Variants in ATP2B1 observed in about 807,000 individuals in gnomAD.
The protein encoded by ATP2B1 is ATPase plasma membrane Ca2+ transporting 1.
Under a neutral mutation model 124.2 loss-of-function variants are expected in ATP2B1, and 14 were observed. That is an observed-to-expected ratio of 0.11 (90% confidence interval 0.07 to 0.18). The LOEUF is 0.18. Ranked by LOEUF, ATP2B1 falls within the 10% of genes least tolerant of loss-of-function variation. The probability of loss-of-function intolerance (pLI) is 1.00; values close to 1 mark genes in which losing one functional copy is unlikely to be tolerated. For synonymous variants in ATP2B1, 449 were observed against 492.4 expected (o/e 0.91, Z 1.17); for missense variants, 763 against 1,466.1 (o/e 0.52, Z 7.83).
chr12:89,634,236 G>C (rs1243165258), intron 5 of ATP2B1, among the ~76,000 whole-genome samples: 2 of 152,084 alleles, frequency 1.3e-5, no homozygotes, highest in Non-Finnish European at 2.9e-5. Context: ...GTGACTGCTA[G>C]ACCTACTCTT....
chr12:89,704,993 TTG>T (rs1164782746), intron 1 of ATP2B1, among the ~76,000 whole-genome samples: 1 of 152,132 alleles, frequency 6.6e-6, no homozygotes, highest in Non-Finnish European at 1.5e-5. Context: ...GAACCATTTC[TTG>T]TGTTAAGATA....
chr12:89,673,641 T>C (rs1230946673), intron 1 of ATP2B1, among the ~76,000 whole-genome samples: 1 of 152,214 alleles, frequency 6.6e-6, no homozygotes, highest in East Asian at 1.9e-4. Context: ...ATCTCTTTCA[T>C]AAGGACCCAA....
intron 15 of ATP2B1, 22 bp from the exon 16 acceptor site, chr12:89,604,368 A>T: frequency 6.4e-7 from 1 of 1,557,638 alleles, no homozygotes; most frequent in South Asian, 1.2e-5. Context: ...AATTTTGTGA[A>T]TTAGACTAAA....
At chr12:89,626,432 T>G (rs781337089) in intron 8 of ATP2B1, 22 bp downstream of exon 8, 2 of 1,564,756 alleles carry the variant, frequency 1.3e-6, no homozygotes, top group Non-Finnish European at 1.7e-6. Flanking sequence ...TAAAACACTT[T>G]ATTTTCTTCT....
At position 89,632,675 on chromosome 12, in the gene ATP2B1, G is replaced by A. The variant is rs527460627; in HGVS notation, c.788-2030C>T. ...TAAACTTAAGAAGCCAAGAACAGCA[G>A]TCAGAGATGGCATCATGAGAGTAAA... On this transcript the variant is annotated intron_variant, in intron 5 of 20. Transcript: ENST00000428670. 3.9e-5 allele frequency among the ~76,000 whole-genome samples: 6 copies of A among 152,300 alleles called. No homozygotes were observed. The East Asian group carries it at 9.6e-4, about 24-fold the overall frequency.
At chr12:89,610,553 T>G in intron 13 of ATP2B1, 45 bp from the exon 14 acceptor site, 1 of 1,490,734 alleles carries the variant, frequency 6.7e-7, no homozygotes, top group Non-Finnish European at 9.4e-7. Context: ...ACATAGTTTC[T>G]TAAATCCTAA....
rs751352086 is a variant in ATP2B1 at position 89,621,517 on chromosome 12, T to C, written c.1587+32A>G. The stretch of plus-strand genomic sequence containing the variant: ...AGTCTGATCATTATAGATTTAAAAA[T>C]TAATTTTCATAAATTATTTCAAAAA... On this transcript the variant is annotated intron_variant, in intron 10 of 20. Transcript: ENST00000428670. 21 of 1,422,452 alleles carry C rather than the reference T, an allele frequency of 1.5e-5. No homozygotes were observed. In the East Asian group the frequency reaches 4.0e-4, roughly 27 times the overall value. 88.1% of individuals were successfully genotyped at this position (1,422,452 alleles called of 1,614,324 possible).
intron 1 of ATP2B1, among the ~76,000 whole-genome samples, chr12:89,656,719 A>G (rs1885994327): frequency 6.6e-6 from 1 of 152,146 alleles, no homozygotes; most frequent in East Asian, 1.9e-4. Context: ...GGCAAAAACT[A>G]TACTCTATAT....
At chr12:89,620,475 C>G (rs1879776084) in intron 10 of ATP2B1, among the ~76,000 whole-genome samples, 1 of 152,172 alleles carries the variant, frequency 6.6e-6, no homozygotes. Flanking sequence ...AATTACCCAA[C>G]TGCTTTGGTC....
chr12:89,605,124 T>A (rs1485638071), intron 15 of ATP2B1, among the ~76,000 whole-genome samples: 1 of 152,190 alleles, frequency 6.6e-6, no homozygotes, highest in Non-Finnish European at 1.5e-5. Context: ...GTATGACTCT[T>A]CTGTACAAAG....
chr12:89,604,155 T>C lies in ATP2B1; in HGVS notation c.2634A>G (p.Gln878=). Reference sequence around the variant, plus strand: ...TTTTGATAGACAAGTCATCACCTACTTGAGTAATGCAGGCGCCCGTAAAAG... The same window carrying C: ...TTTTGATAGACAAGTCATCACCTACCTGAGTAATGCAGGCGCCCGTAAAAG... ...IVAFTGACIT[Q]DSPLKAVQML... The change falls in exon 16 of 21, where the codon CAA becomes CAG. Residue 878 remains glutamine (Q), a splice_region_variant and synonymous_variant. Coordinates refer to ENST00000428670, the MANE Select transcript of ATP2B1 (RefSeq NM_001366521.1). The C allele has an allele frequency of 1.2e-6, 2 of 1,613,054 alleles. No individual in the cohort carries two copies. The highest frequency in any genetic ancestry group is 8.5e-7 in the Non-Finnish European group (1 of 1,179,706).
rs145764164 is a variant in ATP2B1, at chr12:89,595,488, TC to T, written c.3351+3628del. On this transcript the variant is annotated intron_variant, in intron 20 of 20. Coordinates refer to ENST00000428670, the MANE Select transcript of ATP2B1 (RefSeq NM_001366521.1). ...TGACTAATAAATGAAGGGAAAAAGG[TC>T]TCTTCAGAGATGTTTGAGTCTAGCA... Among the ~76,000 whole-genome samples the T allele has an allele frequency of 7.1e-3, 1,074 of 152,038 alleles. 12 individuals carry two copies. Among genetic ancestry groups the T allele is most frequent in the African/African-American group, 0.023 (966 of 41,484 alleles).
chr12:89,696,095 G>C (rs1891108293), intron 1 of ATP2B1, among the ~76,000 whole-genome samples: 1 of 152,214 alleles, frequency 6.6e-6, no homozygotes, highest in South Asian at 2.1e-4. Flanking sequence ...CACAGTTCCT[G>C]CTCCCAAACT....
In ATP2B1 at chr12:89,647,728, G is replaced by A. The variant is rs533521080; in HGVS notation, c.209-5373C>T. Among the ~76,000 whole-genome samples, 194 of 152,270 alleles carry A rather than the reference G, an allele frequency of 1.3e-3. 3 individuals are homozygous for A. The highest frequency in any genetic ancestry group is 4.2e-3 in the African/African-American group (176 of 41,550). ...GATGTTTATCCCTTCCAAATCTCAC[G>A]TTGAAATGTGATTACAAATGTTGGA... On this transcript the variant is annotated intron_variant, in intron 2 of 20. Transcript: ENST00000428670.
Position 89,621,667 on chromosome 12 carries a change from G to C in ATP2B1, c.1469C>G (p.Ala490Gly). ...TTTATAATGTTTTTCATTTATGTAA[G>C]CTTGAACGACTGTCATTCTGTTCAT... Reference protein sequence around the residue: ...LTMNRMTVVQAYINEKHYKKV... With the variant: ...LTMNRMTVVQGYINEKHYKKV... Residue 490 changes from alanine to glycine, a missense_variant, in exon 10 of 21, where the codon GCT becomes GGT. Transcript: ENST00000428670. 6.2e-7 allele frequency: 1 copy of C among 1,611,876 alleles called. No individual in the cohort carries two copies. Among genetic ancestry groups the C allele is most frequent in the Non-Finnish European group, 8.5e-7 (1 of 1,178,814 alleles).
chr12:89,667,272 T>A (rs1555205533), intron 1 of ATP2B1, among the ~76,000 whole-genome samples: 1 of 152,304 alleles, frequency 6.6e-6, no homozygotes. Context: ...TCCTCTTAAT[T>A]CTGTGTCACT....
chr12:89,622,668 T>G (rs896554237), intron 9 of ATP2B1, among the ~76,000 whole-genome samples: 4 of 152,144 alleles, frequency 2.6e-5, no homozygotes, highest in African/African-American at 9.6e-5. Context: ...CTAAATTACT[T>G]GTGATTTACA....
At position 89,590,644 on chromosome 12, in the gene ATP2B1, A is replaced by C. The variant is rs148868798; in HGVS notation, c.*340T>G. 1.6e-4 allele frequency: 28 copies of C among 179,502 alleles called. No homozygotes were observed. The East Asian group carries it at 2.4e-3, about 15-fold the overall frequency. The allele number at this position is 179,502 out of a possible 1,614,324, so 11.1% of individuals were successfully genotyped here. A position where few individuals can be genotyped will look rare whatever the true frequency, so the allele number is the denominator to read the frequency against. On this transcript the variant is annotated 3_prime_UTR_variant, in exon 21 of 21. Coordinates refer to ENST00000428670, the MANE Select transcript of ATP2B1 (RefSeq NM_001366521.1). Reference sequence around the variant, plus strand: ...AGGGCTCTTTGTCTTGCCCAGTTTTACTCCTCCCTCTCTCTCCCATCCAGG... The same window carrying C: ...AGGGCTCTTTGTCTTGCCCAGTTTTCCTCCTCCCTCTCTCTCCCATCCAGG...
chr12:89,659,807 C>T (rs1451920652), intron 1 of ATP2B1, among the ~76,000 whole-genome samples: 3 of 151,278 alleles, frequency 2.0e-5, no homozygotes, highest in African/African-American at 4.9e-5. Context: ...CCTGTAGTCC[C>T]AGCTACTCGG....
Sources: allele counts gnomAD v4.1 joint callset (sites outside exome capture counted in the v4.1 genomes callset), GRCh38; gene constraint gnomAD v4.1.1; transcripts MANE v1.5; gene names NCBI Gene and HGNC (gene_info 2026-07-23, HGNC 2026-07-21).